Variants in EPHA7 observed in about 807,000 individuals in gnomAD.
EPHA7 encodes ephrin type-A receptor 7.
Under a neutral mutation model 112.6 loss-of-function variants are expected in EPHA7, and 25 were observed. The observed-to-expected ratio is 0.22, with a 90% CI of 0.16 to 0.31. EPHA7 has a LOEUF of 0.31. EPHA7 is among the 10% of genes least tolerant of loss of function. The pLI is 1.00. For synonymous variants in EPHA7, 437 were observed against 406.5 expected, an observed-to-expected ratio of 1.07 and a Z score of -0.90; for missense variants, 962 against 1,212.6, an observed-to-expected ratio of 0.79 and a Z score of 3.07.
intron 3 of EPHA7, among the ~76,000 whole-genome samples, chr6:93,388,486 C>T (rs904762154): frequency 3.3e-5 from 5 of 152,088 alleles, no homozygotes; most frequent in Non-Finnish European, 7.4e-5. Flanking sequence ...GTAATCATTG[C>T]TCTTCTATTT....
At chr6:93,414,633 C>A in intron 2 of EPHA7, 70 bp downstream of exon 2, 1 of 1,169,060 alleles carries the variant, frequency 8.6e-7, no homozygotes, top group Non-Finnish European at 1.3e-6. Context: ...TGAATAATTA[C>A]CCTGGAGGGA....
chr6:93,369,381 T>A (rs1448816101), intron 3 of EPHA7, among the ~76,000 whole-genome samples: 1 of 152,194 alleles, frequency 6.6e-6, no homozygotes. Context: ...ATTATCCTAC[T>A]AACTTTGCAT....
chr6:93,338,757 AT>A (rs1774997146), intron 5 of EPHA7, among the ~76,000 whole-genome samples: 1 of 151,688 alleles, frequency 6.6e-6, no homozygotes, highest in Non-Finnish European at 1.5e-5. Flanking sequence ...CCCCTTTAAA[AT>A]AATTGTCTTC....
chr6:93,246,457 A>G (rs1233014626), intron 15 of EPHA7, among the ~76,000 whole-genome samples: 1 of 152,224 alleles, frequency 6.6e-6, no homozygotes, highest in Non-Finnish European at 1.5e-5. Flanking sequence ...GACAACAGTA[A>G]TAAAAACCCA....
intron 5 of EPHA7, among the ~76,000 whole-genome samples, chr6:93,273,155 G>C (rs976122493): frequency 6.6e-6 from 1 of 151,874 alleles, no homozygotes; most frequent in Non-Finnish European, 1.5e-5. Context: ...AATATGCTTA[G>C]AGTTCTTTCA....
chr6:93,307,941 C>T (rs74468395), intron 5 of EPHA7, among the ~76,000 whole-genome samples: 4,142 of 152,088 alleles, frequency 0.027, 74 homozygotes, highest in Non-Finnish European at 0.044. Context: ...GACTTTTTCC[C>T]GATGAATATG....
intron 10 of EPHA7, 121 bp from the exon 11 acceptor site, chr6:93,258,405 AT>A: frequency 9.3e-7 from 1 of 1,074,670 alleles, no homozygotes; most frequent in Non-Finnish European, 1.3e-6. Flanking sequence ...GCATTTTAAA[AT>A]ATTTTCAAAA....
At chr6:93,280,884 C>G (rs569065769) in intron 5 of EPHA7, among the ~76,000 whole-genome samples, 3 of 152,068 alleles carry the variant, frequency 2.0e-5, no homozygotes, top group Non-Finnish European at 2.9e-5. Flanking sequence ...GGGACACCTT[C>G]CAGAATACTC....
intron 5 of EPHA7, among the ~76,000 whole-genome samples, chr6:93,348,824 A>C (rs1433342080): frequency 6.6e-6 from 1 of 151,852 alleles, no homozygotes; most frequent in African/African-American, 2.4e-5. Context: ...ATATTTACTA[A>C]CCATCTACCC....
At chr6:93,382,020 G>T (rs1023429507) in intron 3 of EPHA7, among the ~76,000 whole-genome samples, 15 of 152,100 alleles carry the variant, frequency 9.9e-5, no homozygotes, top group Non-Finnish European at 1.3e-4. Context: ...TACATAAAAA[G>T]AATTTGATAT....
chr6:93,343,156 T>C (rs560130891), intron 5 of EPHA7, among the ~76,000 whole-genome samples: 5 of 151,666 alleles, frequency 3.3e-5, no homozygotes, highest in Non-Finnish European at 7.4e-5. Context: ...TTGAAAAACA[T>C]CCAAAATTTG....
chr6:93,362,146 A>T (rs1454083902), intron 3 of EPHA7, among the ~76,000 whole-genome samples: 2 of 152,084 alleles, frequency 1.3e-5, no homozygotes, highest in Non-Finnish European at 2.9e-5. Flanking sequence ...TCCTAGAGTT[A>T]AAACCTGTAA....
At chr6:93,394,148 A>G (rs1225288987) in intron 3 of EPHA7, among the ~76,000 whole-genome samples, 2 of 151,870 alleles carry the variant, frequency 1.3e-5, no homozygotes, top group East Asian at 1.9e-4. Context: ...CCACCATTAC[A>G]ACTACTAACA....
chr6:93,280,294 C>G (rs1003648258), intron 5 of EPHA7, among the ~76,000 whole-genome samples: 1 of 152,126 alleles, frequency 6.6e-6, no homozygotes, highest in Non-Finnish European at 1.5e-5. Flanking sequence ...TGGTATATAG[C>G]CATGCACTTA....
intron 5 of EPHA7, among the ~76,000 whole-genome samples, chr6:93,334,080 T>C (rs1225690102): frequency 6.6e-6 from 1 of 151,796 alleles, no homozygotes; most frequent in East Asian, 1.9e-4. Flanking sequence ...CTAGACAGAA[T>C]AGAGAGCCCA....
intron 5 of EPHA7, among the ~76,000 whole-genome samples, chr6:93,313,422 C>CA (rs1773640063): frequency 6.7e-6 from 1 of 150,366 alleles, no homozygotes; most frequent in African/African-American, 2.5e-5. Flanking sequence ...TATTTTCTTT[C>CA]TTGTCTTTCT....
At chr6:93,398,067 C>G (rs1778266362) in intron 3 of EPHA7, among the ~76,000 whole-genome samples, 1 of 151,884 alleles carries the variant, frequency 6.6e-6, no homozygotes, top group Admixed American at 6.6e-5. Context: ...AAGATCAGAA[C>G]AAGTTGTGTC....
At chr6:93,298,207 A>G (rs1296312807) in intron 5 of EPHA7, among the ~76,000 whole-genome samples, 1 of 152,194 alleles carries the variant, frequency 6.6e-6, no homozygotes, top group Non-Finnish European at 1.5e-5. Flanking sequence ...GATGCGTTTA[A>G]TAATAAAGGT....
intron 3 of EPHA7, among the ~76,000 whole-genome samples, chr6:93,379,336 C>CA (rs1777221433): frequency 6.6e-6 from 1 of 151,990 alleles, no homozygotes; most frequent in African/African-American, 2.4e-5. Context: ...AAATGCTTTA[C>CA]ATTTTCAGCT....
Sources: allele counts gnomAD v4.1 joint callset (sites outside exome capture counted in the v4.1 genomes callset), GRCh38; gene constraint gnomAD v4.1.1; transcripts MANE v1.5; gene names NCBI Gene and HGNC (gene_info 2026-07-23, HGNC 2026-07-21).